The following DIAPH2 variants were observed in gnomAD, a reference collection of about 807,000 sequenced individuals.
DIAPH2 encodes diaphanous related formin 2, also known as protein diaphanous homolog 2.
In DIAPH2, 35 loss-of-function variants were observed where a neutral mutation model predicts 92.7. The ratio of observed to expected loss-of-function variants is 0.38; its 90% CI spans 0.29 to 0.50. DIAPH2 has a LOEUF of 0.50. Among genes scored for constraint, DIAPH2 ranks in the 20% least tolerant of loss-of-function variants. The pLI is 0.94. For missense variants in DIAPH2, 701 were observed against 819.5 expected (o/e 0.86, Z 1.77); for synonymous variants, 301 against 280.4 (o/e 1.07, Z -0.73).
At chrX:97,573,013 T>C (rs1204439487) in intron 26 of DIAPH2, among the ~76,000 whole-genome samples, 1 of 111,135 alleles carries the variant, frequency 9.0e-6, no homozygotes, top group East Asian at 2.8e-4. Flanking sequence ...TGTATTGTGA[T>C]TTTTTTTTAA....
chrX:96,974,346 AGATAGGTGATGGGAATATATG>A (rs1176048193), intron 17 of DIAPH2, among the ~76,000 whole-genome samples: 5 of 111,763 alleles, frequency 4.5e-5, no homozygotes, highest in East Asian at 2.8e-4. Flanking sequence ...TTTTGTGGAC[AGATAGGTGATGGGAATATATG>A]GATAGGTGAT....
chrX:97,192,468 A>G (rs1269036989), intron 22 of DIAPH2, among the ~76,000 whole-genome samples: 1 of 111,034 alleles, frequency 9.0e-6, no homozygotes, highest in Non-Finnish European at 1.9e-5. Flanking sequence ...GAGTTGAGCC[A>G]TAGAATGTAA....
At chrX:96,865,527 C>T (rs170844) in intron 4 of DIAPH2, among the ~76,000 whole-genome samples, 43,636 of 110,320 alleles carry the variant, frequency 0.4, 7,205 homozygotes, top group African/African-American at 0.64. Context: ...GATAAGAGAC[C>T]AGTTTGGAAG....
At chrX:97,569,189 T>C (rs1037873818) in intron 26 of DIAPH2, among the ~76,000 whole-genome samples, 1 of 111,902 alleles carries the variant, frequency 8.9e-6, no homozygotes, top group Admixed American at 9.4e-5. Flanking sequence ...AGGACAAAGA[T>C]TGACAAAAGC....
intron 22 of DIAPH2, among the ~76,000 whole-genome samples, chrX:97,224,791 G>A (rs1013116516): frequency 1.8e-5 from 2 of 111,476 alleles, no homozygotes; most frequent in Non-Finnish European, 3.8e-5. Context: ...TGGGTCATAA[G>A]GGATATATCT....
intron 24 of DIAPH2, among the ~76,000 whole-genome samples, chrX:97,379,710 T>C (rs1359942473): frequency 8.9e-6 from 1 of 112,170 alleles, no homozygotes; most frequent in Non-Finnish European, 1.9e-5. Flanking sequence ...TGTAAAGTAC[T>C]TGAGCAGTCA....
chrX:97,075,240 G>A lies in DIAPH2; in HGVS notation c.2226G>A (p.Met742Ile), dbSNP rs1282240645. Residue 742 changes from methionine (M) to isoleucine (I), a missense_variant, in exon 19 of 27, where the codon ATG becomes ATA. Transcript: ENST00000324765. ...RNVILEVNED[M>I]LSEALIQNLV... ...TTATTCTGGAGGTTAATGAAGACAT[G>A]CTGAGTGAGGCTTTAATTCAGGTAA... 2 of 1,173,269 alleles carry A rather than the reference G, an allele frequency of 1.7e-6. No individual in the cohort carries two copies. The highest frequency in any genetic ancestry group is 1.1e-6 in the Non-Finnish European group (1 of 871,477).
Position 97,121,863 on chromosome X carries a change from A to C in DIAPH2, c.2589+6898A>C, listed in dbSNP as rs891009858. ...ATAAATCCTGGTCAACAGTCCATGC[A>C]TTTGTTTGCCTGTGTTTTTATAGTT... is the stretch of plus-strand genomic sequence containing the variant. On this transcript the variant is annotated intron_variant, in intron 21 of 26. Coordinates refer to ENST00000324765, the MANE Select transcript of DIAPH2 (RefSeq NM_006729.5). Among the ~76,000 whole-genome samples, 5 of 111,945 alleles carry C rather than the reference A, an allele frequency of 4.5e-5. No individual in the cohort carries two copies. In the East Asian group the frequency reaches 1.4e-3, roughly 31 times the overall value.
intron 26 of DIAPH2, chrX:97,533,455 A>T (rs1381771452): frequency 9.0e-6 from 1 of 111,211 alleles, no homozygotes; most frequent in Non-Finnish European, 1.9e-5. Flanking sequence ...AAAACTGGTC[A>T]GTTATTTTAT....
chrX:96,883,927 A>G (rs1403024446), intron 5 of DIAPH2: 2 of 133,719 alleles, frequency 1.5e-5, no homozygotes, highest in Non-Finnish European at 1.5e-5. Context: ...ATGCATTTTT[A>G]TAGAGATGTT....
rs763113975 is a variant in DIAPH2 at position 97,191,336 on chromosome X, A to G, written c.2719+49542A>G. Among the ~76,000 whole-genome samples the G allele has an allele frequency of 1.5e-3, 164 of 108,861 alleles. 1 individual carries two copies. The highest frequency in any genetic ancestry group is 2.0e-3 in the Non-Finnish European group (108 of 52,984). The allele number at this position is 108,861 out of a possible 115,157, so 94.5% of individuals were successfully genotyped here. ...AGAGGGAAACTCTCTCAAAAAAAAA[A>G]AGAAAAAAAAAAGAAAAATGTATTG... is the stretch of plus-strand genomic sequence containing the variant. On this transcript the variant is annotated intron_variant, in intron 22 of 26. Transcript: ENST00000324765.
intron 4 of DIAPH2, among the ~76,000 whole-genome samples, chrX:96,759,370 G>A (rs1230164983): frequency 9.0e-6 from 1 of 111,261 alleles, no homozygotes; most frequent in Non-Finnish European, 1.9e-5. Context: ...ATAACACATT[G>A]CAGCTCCGCC....
chrX:97,097,168 C>G (rs1325154611), intron 19 of DIAPH2, among the ~76,000 whole-genome samples: 2 of 111,628 alleles, frequency 1.8e-5, no homozygotes, highest in Non-Finnish European at 3.8e-5. Flanking sequence ...CAACCTTATA[C>G]TACATCTTTG....
At chrX:97,330,921 G>A (rs2068996156) in intron 23 of DIAPH2, among the ~76,000 whole-genome samples, 1 of 111,137 alleles carries the variant, frequency 9.0e-6, no homozygotes, top group Admixed American at 9.7e-5. Context: ...CTTGGCTCTT[G>A]TGAATAATGC....
chrX:97,279,198 G>A (rs1194139910), intron 23 of DIAPH2, among the ~76,000 whole-genome samples: 1 of 110,385 alleles, frequency 9.1e-6, no homozygotes. Context: ...CAACCTTTAT[G>A]TCCTGATTTT....
chrX:97,246,735 A>G (rs1183724799), intron 22 of DIAPH2, among the ~76,000 whole-genome samples: 2 of 112,274 alleles, frequency 1.8e-5, no homozygotes, highest in Admixed American at 1.9e-4. Flanking sequence ...AAAGAATCAT[A>G]GTATTTTTCT....
intron 23 of DIAPH2, among the ~76,000 whole-genome samples, chrX:97,345,101 C>A (rs1468798111): frequency 9.0e-6 from 1 of 111,549 alleles, no homozygotes; most frequent in Non-Finnish European, 1.9e-5. Context: ...TCTTAAAAAC[C>A]AATATATATA....
intron 26 of DIAPH2, among the ~76,000 whole-genome samples, chrX:97,464,297 TAAAAAAAAAAAAAAAA>T (rs753355896): frequency 1.8e-4 from 6 of 32,943 alleles, no homozygotes; most frequent in African/African-American, 3.0e-4. Context: ...CCATCTCTAC[TAAAAAAAAAAAAAAAA>T]AAAAAAAAAA....
chrX:97,099,650 C>A, intron 19 of DIAPH2, 44 bp from the exon 20 acceptor site: 1 of 908,412 alleles, frequency 1.1e-6, no homozygotes, highest in African/African-American at 2.1e-5. Context: ...TTTAAAAATT[C>A]TAATACTAAA....
Sources: gnomAD v4.1 joint callset for allele counts (sites outside exome capture counted in the v4.1 genomes callset) on GRCh38, gnomAD v4.1.1 for gene constraint, MANE v1.5 for transcripts, NCBI Gene and HGNC (gene_info 2026-07-23, HGNC 2026-07-21) for gene names.